CYLC2: variants seen among roughly 807,000 people sequenced by gnomAD.
The protein encoded by CYLC2 is cylicin 2, also known as cylicin-2.
In CYLC2, 30 loss-of-function variants were observed where a neutral mutation model predicts 26.1. That is an observed-to-expected ratio of 1.15 (90% CI 0.86 to 1.56). The LOEUF is 1.56. CYLC2 is among the 40% of genes most tolerant of loss of function. The pLI is 0.00. For missense variants in CYLC2, 498 were observed against 394.4 expected (o/e 1.26, Z -2.23); for synonymous variants, 158 against 132.8 (o/e 1.19, Z -1.31).
intron 6 of CYLC2, among the ~76,000 whole-genome samples, chr9:103,013,898 A>G (rs1461729174): frequency 8.8e-6 from 1 of 113,874 alleles, no homozygotes; most frequent in African/African-American, 3.7e-5. Flanking sequence ...AATATATTAT[A>G]TATAATATTA....
chr9:103,015,370 A>G (rs1234473447), intron 6 of CYLC2, among the ~76,000 whole-genome samples: 4 of 103,910 alleles, frequency 3.8e-5, no homozygotes, highest in Non-Finnish European at 7.2e-5. Flanking sequence ...CATATTATAT[A>G]ATGTAATATA....
intron 6 of CYLC2, among the ~76,000 whole-genome samples, chr9:103,013,522 ATAT>A (rs1259434327): frequency 8.9e-6 from 1 of 112,300 alleles, no homozygotes; most frequent in Non-Finnish European, 1.6e-5. Context: ...GAAATAAATT[ATAT>A]TAAGTATATA....
chr9:103,014,187 A>AATATATAATATGAATATTATATATCTC (rs1217437797), intron 6 of CYLC2, among the ~76,000 whole-genome samples: 95 of 122,956 alleles, frequency 7.7e-4, no homozygotes, highest in Non-Finnish European at 1.4e-3. Flanking sequence ...TCTCATATAT[A>AATATATAATATGAATATTATATATCTC]ATATATAATA....
chr9:103,004,322 A>T (rs141748394), intron 3 of CYLC2, among the ~76,000 whole-genome samples: 1 of 152,220 alleles, frequency 6.6e-6, no homozygotes, highest in African/African-American at 2.4e-5. Flanking sequence ...GATATTAGAG[A>T]ATAGTTTCTG....
In CYLC2 at chr9:103,005,818, T is replaced by A; in HGVS notation, c.*140T>A. 2.3e-6 allele frequency: 2 copies of A among 877,380 alleles called. No homozygotes were observed. Among genetic ancestry groups the A allele is most frequent in the Non-Finnish European group, 1.8e-6 (1 of 568,326 alleles). 54.3% of individuals were successfully genotyped at this position (877,380 alleles called of 1,614,324 possible). On this transcript the variant is annotated 3_prime_UTR_variant, in exon 5 of 8. Transcript: ENST00000374798. ...ATTTTTAAAAGGTGGTAAAGAAGGA[T>A]ACAAAGGAGAACTCAGCAGAGATTT...
At chr9:103,014,481 T>C (rs1829467220) in intron 6 of CYLC2, among the ~76,000 whole-genome samples, 1 of 134,570 alleles carries the variant, frequency 7.4e-6, no homozygotes, top group African/African-American at 2.6e-5. Context: ...ACATAATATG[T>C]ATATTATGCA....
intron 1 of CYLC2, among the ~76,000 whole-genome samples, chr9:102,999,158 AG>A (rs1829264539): frequency 6.6e-6 from 1 of 151,728 alleles, no homozygotes; most frequent in South Asian, 2.1e-4. Flanking sequence ...TCACTTATGC[AG>A]CTTTTATATG....
chr9:103,005,257 A>G lies in CYLC2; in HGVS notation c.626A>G (p.Glu209Gly). ...GKDSATESEGEKGGTEKDSKK... is the reference protein window; with the variant it reads ...GKDSATESEGGKGGTEKDSKK... ...GACTCGGCAACAGAATCTGAAGGTG[A>G]AAAAGGAGGTACAGAGAAAGATAGC... is the stretch of plus-strand genomic sequence containing the variant. The change falls in exon 5 of 8, where the codon GAA becomes GGA. Residue 209 changes from glutamate (E) to glycine (G), a missense_variant. Glu to Gly is a moderately conservative substitution (Grantham distance 98). Coordinates refer to ENST00000374798, the MANE Select transcript of CYLC2 (RefSeq NM_001340.5). 3 of 1,613,384 alleles carry G rather than the reference A, an allele frequency of 1.9e-6. No homozygotes were observed. Among genetic ancestry groups the G allele is most frequent in the South Asian group, 1.1e-5 (1 of 91,000 alleles).
rs372929483 is a variant in CYLC2 at position 103,005,613 on chromosome 9, A to G, written c.982A>G (p.Lys328Glu). Reference sequence around the variant, plus strand: ...AAAGAAAAATGCTAAGAAGGATGCAAAGAAGGATGCAAAGAAGAATGCAAA... The same window carrying G: ...AAAGAAAAATGCTAAGAAGGATGCAGAGAAGGATGCAAAGAAGAATGCAAA... ...DAKKNAKKDA[K>E]KDAKKNAKKD... is the part of the protein sequence containing the mutation. The change falls in exon 5 of 8, where the codon AAG becomes GAG. Residue 328 changes from lysine (K) to glutamate (E), a missense_variant. Lys to Glu is a moderately conservative substitution (Grantham distance 56). Transcript: ENST00000374798. 56 of 1,611,316 alleles carry G rather than the reference A, an allele frequency of 3.5e-5. No individual in the cohort carries two copies. Among genetic ancestry groups the G allele is most frequent in the Non-Finnish European group, 4.7e-5 (56 of 1,179,370 alleles).
At chr9:103,013,823 T>G (rs1247909118) in intron 6 of CYLC2, among the ~76,000 whole-genome samples, 5 of 94,700 alleles carry the variant, frequency 5.3e-5, no homozygotes, top group African/African-American at 2.0e-4. Flanking sequence ...GTATATAATA[T>G]GTATATAATA....
chr9:103,017,578 G>A (rs974216684), intron 7 of CYLC2, among the ~76,000 whole-genome samples: 1 of 151,912 alleles, frequency 6.6e-6, no homozygotes, highest in African/African-American at 2.4e-5. Context: ...AAACCTACAT[G>A]TTAACATATT....
chr9:103,017,468 A>C (rs947192218), intron 7 of CYLC2, among the ~76,000 whole-genome samples: 1 of 152,054 alleles, frequency 6.6e-6, no homozygotes, highest in Non-Finnish European at 1.5e-5. Flanking sequence ...AATTTGGTTT[A>C]CTGAATAAAT....
chr9:103,007,541 T>C (rs1829364610), intron 5 of CYLC2, among the ~76,000 whole-genome samples: 1 of 152,152 alleles, frequency 6.6e-6, no homozygotes, highest in Non-Finnish European at 1.5e-5. Flanking sequence ...ACTTACTGTC[T>C]CTAAAACAGT....
chr9:103,017,014 A>G (rs1319980845), intron 7 of CYLC2, 53 bp downstream of exon 7: 2 of 151,442 alleles, frequency 1.3e-5, no homozygotes, highest in Admixed American at 6.6e-5. Context: ...ATTTTAGAAC[A>G]ATGATGTTTA....
In CYLC2 at chr9:103,018,351, T is replaced by C. The variant is rs1020298550; in HGVS notation, c.*917T>C. On this transcript the variant is annotated 3_prime_UTR_variant, in exon 8 of 8. Transcript: ENST00000374798. ...ACTACCGTGAGGATGGATTGGACAT[T>C]ACACCACACTGGAAAAGTGAAACAT... 3.9e-5 allele frequency: 6 copies of C among 151,988 alleles called. No individual in the cohort carries two copies. The highest frequency in any genetic ancestry group is 3.9e-4 in the Admixed American group (6 of 15,206). 9.4% of individuals were successfully genotyped at this position (151,988 alleles called of 1,614,324 possible). A position where few individuals can be genotyped will look rare whatever the true frequency, so the allele number is the denominator to read the frequency against.
intron 1 of CYLC2, among the ~76,000 whole-genome samples, chr9:102,997,525 T>G (rs183530645): frequency 1.3e-5 from 2 of 152,000 alleles, no homozygotes; most frequent in East Asian, 3.9e-4. Flanking sequence ...CTCTAGCAAA[T>G]ACAAGAAGAG....
chr9:103,000,431 T>C (rs1356641685), intron 1 of CYLC2, among the ~76,000 whole-genome samples: 1 of 152,042 alleles, frequency 6.6e-6, no homozygotes, highest in Non-Finnish European at 1.5e-5. Flanking sequence ...AATAATGCAG[T>C]TCATAATCAT....
intron 5 of CYLC2, among the ~76,000 whole-genome samples, chr9:103,010,102 G>T (rs866157043): frequency 2.0e-5 from 3 of 151,322 alleles, no homozygotes; most frequent in Non-Finnish European, 4.4e-5. Context: ...ATCACTAATT[G>T]ATTCAAACTT....
intron 5 of CYLC2, among the ~76,000 whole-genome samples, chr9:103,006,923 C>T (rs10990428): frequency 0.097 from 14,808 of 152,068 alleles, 864 homozygotes; most frequent in African/African-American, 0.16. Flanking sequence ...ATTGTGCTCT[C>T]ATCGCATAAA....
Sources: allele counts gnomAD v4.1 joint callset (sites outside exome capture counted in the v4.1 genomes callset), GRCh38; gene constraint gnomAD v4.1.1; transcripts MANE v1.5; gene names NCBI Gene and HGNC (gene_info 2026-07-23, HGNC 2026-07-21).